FAM161A: variants seen among roughly 807,000 people sequenced by gnomAD.
FAM161A encodes the protein protein FAM161A.
In FAM161A, 57 loss-of-function variants were observed where a neutral mutation model predicts 70.9. That is an observed-to-expected ratio of 0.80 (90% CI 0.65 to 1.00). FAM161A has a LOEUF of 1.00. FAM161A is among the 50% of genes least tolerant of loss of function. FAM161A has a pLI of 0.00. For missense variants in FAM161A, 880 were observed against 836.0 expected, an observed-to-expected ratio of 1.05 and a Z score of -0.65; for synonymous variants, 299 against 295.7, an observed-to-expected ratio of 1.01 and a Z score of -0.12.
At position 61,849,054 on chromosome 2, in the gene FAM161A, ATT is replaced by A. The variant is rs869188055; in HGVS notation, c.183+4803_183+4804del. 7.5e-3 allele frequency among the ~76,000 whole-genome samples: 13 copies of A among 1,734 alleles called. 6 individuals are homozygous for A. Among genetic ancestry groups the A allele is most frequent in the African/African-American group, 0.041 (13 of 320 alleles). The allele number at this position is 1,734 out of a possible 152,430, so 1.1% of individuals were successfully genotyped here. A position where few individuals can be genotyped will look rare whatever the true frequency, so the allele number is the denominator to read the frequency against. On this transcript the variant is annotated intron_variant, in intron 1 of 6. Coordinates refer to ENST00000404929, the MANE Select transcript of FAM161A (RefSeq NM_001201543.2). Reference sequence around the variant, plus strand: ...TATATATATTTATATATTTATATATATTTATATATATATAAATATATATATTT... The same window carrying A: ...TATATATATTTATATATTTATATATATATATATATATAAATATATATATTT...
chr2:61,834,059 A>G (rs768639004), intron 5 of FAM161A, among the ~76,000 whole-genome samples: 3 of 152,156 alleles, frequency 2.0e-5, no homozygotes, highest in Non-Finnish European at 4.4e-5. Context: ...ACAGACAATA[A>G]CAAGTGCTGA....
At chr2:61,806,511 T>C in the FAM161A span, among the ~76,000 whole-genome samples, 1 of 152,230 alleles carries the variant, frequency 6.6e-6, no homozygotes, top group East Asian at 1.9e-4. Context: ...AAAGCATTAA[T>C]GGTCATGAAA....
intron 1 of FAM161A, among the ~76,000 whole-genome samples, chr2:61,845,817 G>A (rs550922272): frequency 3.9e-5 from 6 of 151,904 alleles, no homozygotes; most frequent in African/African-American, 1.2e-4. Flanking sequence ...GGCTGGGCGC[G>A]GTAGCTCACG....
intron 1 of FAM161A, among the ~76,000 whole-genome samples, chr2:61,852,308 G>A (rs1018545987): frequency 6.6e-6 from 1 of 152,104 alleles, no homozygotes; most frequent in African/African-American, 2.4e-5. Context: ...CTGCAACTTA[G>A]AAGTGACTGA....
chr2:61,807,961 C>A, the FAM161A span, among the ~76,000 whole-genome samples: 1 of 152,082 alleles, frequency 6.6e-6, no homozygotes, highest in Admixed American at 6.5e-5. Flanking sequence ...TTTTGCCACA[C>A]AAAGTGTGGG....
In FAM161A at chr2:61,825,029, TTGCCCCTGA is replaced by T; in HGVS notation, c.*1417_*1425del. ...TAGGAAGAAAATTACAAGTAAACAT[TTGCCCCTGA>T]TGGAGAAAAATGACCTTATTTTTAA... is the stretch of plus-strand genomic sequence containing the variant. On this transcript the variant is annotated 3_prime_UTR_variant, in exon 7 of 7. Coordinates refer to ENST00000404929, the MANE Select transcript of FAM161A (RefSeq NM_001201543.2). 1 of 453,772 alleles carries T rather than the reference TTGCCCCTGA, an allele frequency of 2.2e-6. No individual in the cohort carries two copies. Among genetic ancestry groups the T allele is most frequent in the South Asian group, 1.6e-5 (1 of 64,192 alleles). 28.1% of individuals were successfully genotyped at this position (453,772 alleles called of 1,614,324 possible).
rs565753900 is a variant in FAM161A, at chr2:61,828,279, T to G, written c.1852-1021A>C. On this transcript the variant is annotated intron_variant, in intron 5 of 6. Transcript: ENST00000404929. ...ATATACTTTTATGACTGTATAAAGA[T>G]ATCTGAAAAAAAAAAAAAGATTTCA... is the stretch of plus-strand genomic sequence containing the variant. Among the ~76,000 whole-genome samples the G allele has an allele frequency of 1.1e-4, 5 of 46,254 alleles. No individual in the cohort carries two copies. The East Asian group carries it at 5.6e-3, about 52-fold the overall frequency. 30.3% of individuals were successfully genotyped at this position (46,254 alleles called of 152,430 possible).
chr2:61,852,315 C>CT (rs1290377581), intron 1 of FAM161A, among the ~76,000 whole-genome samples: 4 of 152,182 alleles, frequency 2.6e-5, no homozygotes, highest in Admixed American at 2.0e-4. Context: ...TTAGAAGTGA[C>CT]TGACTCCTTT....
At chr2:61,811,896 C>T in the FAM161A span, among the ~76,000 whole-genome samples, 2 of 152,170 alleles carry the variant, frequency 1.3e-5, no homozygotes, top group Non-Finnish European at 2.9e-5. Context: ...AAAATCTTTA[C>T]TGTGTCCTAG....
chr2:61,806,072 G>A, the FAM161A span, among the ~76,000 whole-genome samples: 1 of 152,106 alleles, frequency 6.6e-6, no homozygotes, highest in Non-Finnish European at 1.5e-5. Context: ...ACAAAAATTA[G>A]CCGGGTGTGG....
the FAM161A span, among the ~76,000 whole-genome samples, chr2:61,803,857 C>T: frequency 3.9e-5 from 6 of 152,206 alleles, no homozygotes; most frequent in East Asian, 3.9e-4. Flanking sequence ...CGTGGTGGCT[C>T]ATGCCTGTAA....
chr2:61,840,676 A>T, intron 2 of FAM161A, 95 bp from the exon 3 acceptor site: 8 of 974,048 alleles, frequency 8.2e-6, no homozygotes, highest in Non-Finnish European at 1.3e-5. Flanking sequence ...TCTGAGACAG[A>T]GTCTCACTCT....
At chr2:61,835,515 G>C (rs1672737868) in intron 5 of FAM161A, 1 of 152,084 alleles carries the variant, frequency 6.6e-6, no homozygotes, top group South Asian at 2.1e-4. Context: ...TAGCCATTTT[G>C]TTTCATTTTT....
At chr2:61,813,547 CAA>C in the FAM161A span, among the ~76,000 whole-genome samples, 1,535 of 55,926 alleles carry the variant, frequency 0.027, 14 homozygotes, top group African/African-American at 0.096. Context: ...GACTCCACCT[CAA>C]AAAAAAAAAA....
chr2:61,827,302 A>C, intron 5 of FAM161A, 44 bp from the exon 6 acceptor site: 1 of 1,600,298 alleles, frequency 6.2e-7, no homozygotes. Context: ...AGAAGACTTT[A>C]AATTTTCATC....
At chr2:61,815,286 A>T in the FAM161A span, among the ~76,000 whole-genome samples, 1 of 152,228 alleles carries the variant, frequency 6.6e-6, no homozygotes. Context: ...CCATATAATT[A>T]CAAAGTTAGG....
Position 61,827,336 on chromosome 2 carries a change from C to A in FAM161A, c.1852-78G>T, listed in dbSNP as rs543590205. On this transcript the variant is annotated intron_variant, in intron 5 of 6. Transcript: ENST00000404929. ...TCAAAAATGTATAGATTAGGCCAGG[C>A]GCGGTGGCTCACGCCTGTAATCCCA... 2.7e-6 allele frequency: 4 copies of A among 1,467,574 alleles called. No individual in the cohort carries two copies. The South Asian group carries it at 3.4e-5, about 13-fold the overall frequency. The allele number at this position is 1,467,574 out of a possible 1,614,324, so 90.9% of individuals were successfully genotyped here.
At chr2:61,812,698 G>C in the FAM161A span, among the ~76,000 whole-genome samples, 2 of 151,710 alleles carry the variant, frequency 1.3e-5, no homozygotes, top group African/African-American at 4.8e-5. Flanking sequence ...CTCTACCCTG[G>C]GCAAAAAGAG....
At chr2:61,842,672 A>C (rs1008796432) in intron 1 of FAM161A, among the ~76,000 whole-genome samples, 6 of 152,208 alleles carry the variant, frequency 3.9e-5, no homozygotes, top group Non-Finnish European at 7.4e-5. Context: ...ACAACCCTTT[A>C]CAAAGTATTT....
Sources: allele counts gnomAD v4.1 joint callset (sites outside exome capture counted in the v4.1 genomes callset), GRCh38; gene constraint gnomAD v4.1.1; transcripts MANE v1.5; gene names NCBI Gene and HGNC (gene_info 2026-07-23, HGNC 2026-07-21).